The following PGAP4 variants were observed in gnomAD, a reference collection of about 807,000 sequenced individuals.
PGAP4 encodes GPI-N-acetylgalactosamine transferase PGAP4.
Under a neutral mutation model 28.2 loss-of-function variants are expected in PGAP4, and 12 were observed. The ratio of observed to expected loss-of-function variants is 0.42; its 90% CI spans 0.27 to 0.69. The LOEUF is 0.69. Ranked by LOEUF, PGAP4 falls within the 30% of genes least tolerant of loss-of-function variation. PGAP4 has a pLI of 0.22. For synonymous variants in PGAP4, 205 were observed against 211.8 expected (o/e 0.97, Z 0.28); for missense variants, 425 against 513.5 (o/e 0.83, Z 1.67).
intron 2 of PGAP4, among the ~76,000 whole-genome samples, chr9:101,518,238 T>C (rs1826957674): frequency 6.6e-6 from 1 of 152,216 alleles, no homozygotes; most frequent in Non-Finnish European, 1.5e-5. Flanking sequence ...GGCTTCATCA[T>C]ATTCCATAGT....
At chr9:101,510,901 C>T (rs1256023590) in intron 2 of PGAP4, among the ~76,000 whole-genome samples, 2 of 152,126 alleles carry the variant, frequency 1.3e-5, no homozygotes, top group South Asian at 2.1e-4. Flanking sequence ...AAGCCTGCCA[C>T]CAGATGCAGC....
At chr9:101,509,381 A>ACAGGTTGAATTTGTTGAG (rs1264217578) in intron 2 of PGAP4, among the ~76,000 whole-genome samples, 42 of 152,300 alleles carry the variant, frequency 2.8e-4, no homozygotes, top group African/African-American at 9.9e-4. Context: ...CCCCAAAGTG[A>ACAGGTTGAATTTGTTGAG]CAGGTTGAAT....
intron 2 of PGAP4, among the ~76,000 whole-genome samples, chr9:101,497,849 A>T (rs1826764277): frequency 6.6e-6 from 1 of 151,836 alleles, no homozygotes; most frequent in Non-Finnish European, 1.5e-5. Context: ...TAGACACAAC[A>T]TACAACACAA....
intron 2 of PGAP4, among the ~76,000 whole-genome samples, chr9:101,497,251 A>G (rs1270158953): frequency 6.6e-6 from 1 of 151,522 alleles, no homozygotes; most frequent in Non-Finnish European, 1.5e-5. Flanking sequence ...ACTTAATTTA[A>G]TTTTAACAGT....
chr9:101,500,554 G>A (rs1259135503), intron 2 of PGAP4, among the ~76,000 whole-genome samples: 2 of 151,172 alleles, frequency 1.3e-5, no homozygotes, highest in Non-Finnish European at 2.9e-5. Context: ...ACTATGTATG[G>A]TAACATATTC....
At chr9:101,501,594 C>T (rs1225170700) in intron 2 of PGAP4, 2 of 447,344 alleles carry the variant, frequency 4.5e-6, no homozygotes, top group Non-Finnish European at 9.0e-6. Flanking sequence ...GTGTGGATTG[C>T]TTCTGGAAGA....
chr9:101,522,642 T>C lies in PGAP4; in HGVS notation c.-165+8706A>G, dbSNP rs1826998773. ...AGTTGAGTCTCCTGAAGGCAGCAGATAGTTGGTTGGTGAGTTCTTATCCAT... is the reference window on the plus strand; with the variant it reads ...AGTTGAGTCTCCTGAAGGCAGCAGACAGTTGGTTGGTGAGTTCTTATCCAT... On this transcript the variant is annotated intron_variant, in intron 2 of 3. Transcript: ENST00000374851. Among the ~76,000 whole-genome samples, 3 of 152,184 alleles carry C rather than the reference T, an allele frequency of 2.0e-5. No homozygotes were observed. In the South Asian group the frequency reaches 6.2e-4, roughly 31 times the overall value.
chr9:101,518,852 T>C (rs1425512616), intron 2 of PGAP4, among the ~76,000 whole-genome samples: 4 of 152,244 alleles, frequency 2.6e-5, no homozygotes, highest in South Asian at 4.1e-4. Context: ...CTGGATCAAA[T>C]AGTAGTTCTA....
intron 2 of PGAP4, among the ~76,000 whole-genome samples, chr9:101,525,734 G>C (rs895288755): frequency 1.1e-4 from 16 of 147,802 alleles, no homozygotes; most frequent in African/African-American, 4.0e-4. Flanking sequence ...GAGAGAGAGA[G>C]AGAAAATAAA....
In PGAP4 at chr9:101,486,957, G is replaced by A. The variant is rs1175901440; in HGVS notation, c.-86C>T. 6.6e-6 allele frequency: 1 copy of A among 152,464 alleles called. No individual in the cohort carries two copies. The highest frequency in any genetic ancestry group is 1.9e-4 in the East Asian group (1 of 5,192). 9.4% of individuals were successfully genotyped at this position (152,464 alleles called of 1,614,324 possible). A position where few individuals can be genotyped will look rare whatever the true frequency, so the allele number is the denominator to read the frequency against. On this transcript the variant is annotated 5_prime_UTR_variant, in exon 1 of 2. Coordinates refer to ENST00000374848, the MANE Select transcript of PGAP4 (RefSeq NM_032342.3). The surrounding 1 kb of genome is among the most constrained non-coding windows in gnomAD (Gnocchi z 4.7). The stretch of plus-strand genomic sequence containing the variant: ...GCGCAACAGAAACCTACCCGGTTGG[G>A]GCGACCAGCTCGGTCCCCTGCGCGC...
At chr9:101,514,524 G>A (rs1012923161) in intron 2 of PGAP4, among the ~76,000 whole-genome samples, 16 of 152,102 alleles carry the variant, frequency 1.1e-4, no homozygotes, top group African/African-American at 3.9e-4. Context: ...GCATGTGCAT[G>A]TGCATGTGTG....
At chr9:101,520,140 A>G (rs1826977176) in intron 2 of PGAP4, among the ~76,000 whole-genome samples, 1 of 152,168 alleles carries the variant, frequency 6.6e-6, no homozygotes, top group Non-Finnish European at 1.5e-5. Flanking sequence ...GAAATCAGGT[A>G]GTGTGATGCC....
chr9:101,492,801 C>G (rs915229134), intron 2 of PGAP4, among the ~76,000 whole-genome samples: 64 of 152,088 alleles, frequency 4.2e-4, no homozygotes, highest in African/African-American at 1.5e-3. Context: ...AAATTATGTT[C>G]AGATTCTGGG....
intron 2 of PGAP4, among the ~76,000 whole-genome samples, chr9:101,520,672 G>A (rs1186920609): frequency 2.0e-5 from 3 of 152,168 alleles, no homozygotes; most frequent in Admixed American, 6.5e-5. Flanking sequence ...AACAGTGACA[G>A]TTTGACTTCC....
chr9:101,520,776 G>C (rs981939365), intron 2 of PGAP4, among the ~76,000 whole-genome samples: 2 of 152,224 alleles, frequency 1.3e-5, no homozygotes, highest in Middle Eastern at 3.4e-3. Context: ...TGGTGAGAGT[G>C]GGCATCCTTG....
At chr9:101,489,806 C>G (rs1826670260), upstream of PGAP4, among the ~76,000 whole-genome samples, 1 of 152,176 alleles carries the variant, frequency 6.6e-6, no homozygotes, top group South Asian at 2.1e-4. Flanking sequence ...AGTCTTCTTA[C>G]TCTGAACATC....
rs948651752 is a variant in PGAP4, at chr9:101,473,593, A to G, written c.*2288T>C. ...AAGGCATGTTAGTGTGTAGGTAGAG[A>G]AACTGGACAAGGAAGGATGGCCTTA... On this transcript the variant is annotated 3_prime_UTR_variant, in exon 2 of 2. Coordinates refer to ENST00000374848, the MANE Select transcript of PGAP4 (RefSeq NM_032342.3). The G allele has an allele frequency of 6.6e-6, 1 of 152,274 alleles. No homozygotes were observed. The highest frequency in any genetic ancestry group is 2.4e-5 in the African/African-American group (1 of 41,460). 9.4% of individuals were successfully genotyped at this position (152,274 alleles called of 1,614,324 possible).
At chr9:101,485,709 T>G (rs372137735) in intron 1 of PGAP4, among the ~76,000 whole-genome samples, 6 of 152,320 alleles carry the variant, frequency 3.9e-5, no homozygotes, top group Admixed American at 2.0e-4. Flanking sequence ...TGTGTATACA[T>G]AGAGAAAATT....
intron 2 of PGAP4, among the ~76,000 whole-genome samples, chr9:101,504,348 T>C (rs1588206921): frequency 6.6e-6 from 1 of 151,508 alleles, no homozygotes; most frequent in Middle Eastern, 3.4e-3. Context: ...TATTTGTAGG[T>C]GGGATGCTGC....
Sources: gnomAD v4.1 joint callset for allele counts (sites outside exome capture counted in the v4.1 genomes callset) on GRCh38, gnomAD v4.1.1 for gene constraint, Gnocchi (gnomAD v3.1) non-coding constraint, MANE v1.5 for transcripts, NCBI Gene and HGNC (gene_info 2026-07-23, HGNC 2026-07-21) for gene names.